ARHGAP39: variants seen among roughly 807,000 people sequenced by gnomAD.
ARHGAP39 encodes rho GTPase-activating protein 39.
ARHGAP39 carries 44 observed loss-of-function variants against 106.9 expected under a neutral mutation model. The ratio of observed to expected loss-of-function variants is 0.41; its 90% CI spans 0.32 to 0.53. The LOEUF (loss-of-function observed/expected upper bound fraction) is 0.53, where lower values mean the gene tolerates loss of function less well. Ranked by LOEUF, ARHGAP39 falls within the 20% of genes least tolerant of loss-of-function variation. ARHGAP39 has a pLI of 0.21. For missense variants in ARHGAP39, 1,496 were observed against 1,577.3 expected (o/e 0.95, Z 0.87); for synonymous variants, 768 against 693.2 (o/e 1.11, Z -1.69).
At chr8:144,563,908 A>C (rs1033604350) in intron 3 of ARHGAP39, among the ~76,000 whole-genome samples, 1 of 152,254 alleles carries the variant, frequency 6.6e-6, no homozygotes, top group African/African-American at 2.4e-5. Flanking sequence ...ATTACAAATC[A>C]AACAGTGCAT....
At chr8:144,600,921 T>C (rs1310249814) in intron 2 of ARHGAP39, among the ~76,000 whole-genome samples, 1 of 147,628 alleles carries the variant, frequency 6.8e-6, no homozygotes, top group East Asian at 2.1e-4. Flanking sequence ...CAAGCTCATG[T>C]ACCTGTGTGT....
intron 1 of ARHGAP39, among the ~76,000 whole-genome samples, chr8:144,660,239 C>G (rs1211442011): frequency 6.6e-6 from 1 of 152,186 alleles, no homozygotes; most frequent in Admixed American, 6.5e-5. Context: ...TTCCCACAAG[C>G]CTGAATGGTC....
At chr8:144,597,963 G>A (rs1017908630) in intron 2 of ARHGAP39, among the ~76,000 whole-genome samples, 2 of 152,224 alleles carry the variant, frequency 1.3e-5, no homozygotes, top group African/African-American at 2.4e-5. Context: ...AAGGCCGGAG[G>A]AGATTCCCAG....
At chr8:144,660,949 C>T (rs1821806536) in intron 1 of ARHGAP39, among the ~76,000 whole-genome samples, 1 of 152,116 alleles carries the variant, frequency 6.6e-6, no homozygotes, top group African/African-American at 2.4e-5. Context: ...TGTGCCATCG[C>T]ACTCCAGCCT....
At chr8:144,628,625 C>T (rs1318884923) in intron 1 of ARHGAP39, among the ~76,000 whole-genome samples, 4 of 152,190 alleles carry the variant, frequency 2.6e-5, no homozygotes, top group Admixed American at 2.6e-4. Context: ...ACAAGATCAC[C>T]GATCTAGAAG....
intron 3 of ARHGAP39, among the ~76,000 whole-genome samples, chr8:144,579,405 C>T (rs559311391): frequency 6.6e-6 from 1 of 152,162 alleles, no homozygotes; most frequent in African/African-American, 2.4e-5. Flanking sequence ...GAAATGTAGG[C>T]CCTGGTCCTC....
intron 1 of ARHGAP39, among the ~76,000 whole-genome samples, chr8:144,663,400 G>A (rs1821883871): frequency 6.6e-6 from 1 of 152,146 alleles, no homozygotes; most frequent in African/African-American, 2.4e-5. Context: ...GAGAGATGGA[G>A]CAAGAGAGAG....
At chr8:144,579,201 C>CAAAAAAAAAAAAA (rs541332282) in intron 3 of ARHGAP39, among the ~76,000 whole-genome samples, 6 of 39,898 alleles carry the variant, frequency 1.5e-4, no homozygotes, top group African/African-American at 4.2e-4. Context: ...GACTCTGTCT[C>CAAAAAAAAAAAAA]AAAAAAAAAA....
intron 3 of ARHGAP39, among the ~76,000 whole-genome samples, chr8:144,556,234 G>A (rs185960853): frequency 8.5e-4 from 126 of 148,952 alleles, no homozygotes; most frequent in African/African-American, 2.9e-3. Context: ...GCAGTGAGCC[G>A]AGATGGCGCC....
At chr8:144,678,648 C>G (rs1190319502) in intron 1 of ARHGAP39, among the ~76,000 whole-genome samples, 2 of 152,232 alleles carry the variant, frequency 1.3e-5, no homozygotes, top group Non-Finnish European at 2.9e-5. Flanking sequence ...AGTCACTCGC[C>G]TAGACGCTCT....
upstream of ARHGAP39, among the ~76,000 whole-genome samples, chr8:144,686,990 A>G (rs62529942): frequency 0.026 from 872 of 34,162 alleles, 19 homozygotes; most frequent in Middle Eastern, 0.042. Context: ...CCGTGACCAC[A>G]CACTGGCGGC....
chr8:144,598,223 G>T (rs1046275557), intron 2 of ARHGAP39, among the ~76,000 whole-genome samples: 14 of 152,244 alleles, frequency 9.2e-5, no homozygotes, highest in African/African-American at 2.9e-4. Context: ...TCCGCGTTGA[G>T]TGTAAAGGGG....
chr8:144,543,656 T>C (rs1817286925), intron 6 of ARHGAP39, among the ~76,000 whole-genome samples: 1 of 152,210 alleles, frequency 6.6e-6, no homozygotes, highest in African/African-American at 2.4e-5. Flanking sequence ...CCTTTTTCCA[T>C]GCAGGCCAGG....
chr8:144,700,189 G>T, the ARHGAP39 span, among the ~76,000 whole-genome samples: 1 of 152,202 alleles, frequency 6.6e-6, no homozygotes. The surrounding 1 kb of genome is among the most constrained non-coding windows in gnomAD (Gnocchi z 5.6). Context: ...ATCCCAGGCT[G>T]TACTCTGGGA....
At chr8:144,666,699 C>T (rs1042169663) in intron 1 of ARHGAP39, among the ~76,000 whole-genome samples, 7 of 152,308 alleles carry the variant, frequency 4.6e-5, no homozygotes, top group East Asian at 3.9e-4. Context: ...CCATGTGGAA[C>T]GGTAAGTCCA....
rs1320579765 is a variant in ARHGAP39, at chr8:144,555,640, A to G, written c.516T>C (p.Ser172=). Residue 172 remains serine (S), a synonymous_variant, in exon 4 of 12, where the codon TCT becomes TCC. Transcript: ENST00000377307. ...FGTVKEDSGS[S]SPPGVFLEKD... Reference sequence around the variant, plus strand: ...TCTCAAGGAACACTCCTGGTGGTGAAGAGCTGAAACACAGTAAAATGAAAG... The same window carrying G: ...TCTCAAGGAACACTCCTGGTGGTGAGGAGCTGAAACACAGTAAAATGAAAG... 6.2e-7 allele frequency: 1 copy of G among 1,613,304 alleles called. No homozygotes were observed. The highest frequency in any genetic ancestry group is 8.5e-7 in the Non-Finnish European group (1 of 1,179,680).
At chr8:144,665,515 AG>A (rs1821941484) in intron 1 of ARHGAP39, among the ~76,000 whole-genome samples, 4 of 152,164 alleles carry the variant, frequency 2.6e-5, no homozygotes, top group Admixed American at 2.6e-4. Context: ...AGGAGGAAAA[AG>A]TAGTTTTGTG....
At chr8:144,692,951 G>T in the ARHGAP39 span, among the ~76,000 whole-genome samples, 1 of 150,824 alleles carries the variant, frequency 6.6e-6, no homozygotes, top group Non-Finnish European at 1.5e-5. Flanking sequence ...TAGAGATGGG[G>T]TTTCACTGTG....
chr8:144,562,720 TCACTCCAGTGGTTTCCATCG>T (rs1280485682), intron 3 of ARHGAP39, among the ~76,000 whole-genome samples: 7 of 148,566 alleles, frequency 4.7e-5, no homozygotes, highest in Non-Finnish European at 8.9e-5. Flanking sequence ...TCCATCGGAC[TCACTCCAGTGGTTTCCATCG>T]CACCCCAGTG....
Sources: gnomAD v4.1 joint callset for allele counts (sites outside exome capture counted in the v4.1 genomes callset) on GRCh38, gnomAD v4.1.1 for gene constraint, Gnocchi (gnomAD v3.1) non-coding constraint, MANE v1.5 for transcripts, NCBI Gene and HGNC (gene_info 2026-07-23, HGNC 2026-07-21) for gene names.